CBY1: variants seen among roughly 807,000 people sequenced by gnomAD.
CBY1 encodes chibby 1, beta catenin antagonist, also known as protein chibby homolog 1.
In CBY1, 10 loss-of-function variants were observed where a neutral mutation model predicts 15.6. That is an observed-to-expected ratio of 0.64 (90% CI 0.40 to 1.09). The LOEUF (loss-of-function observed/expected upper bound fraction) is 1.09. Among genes scored for constraint, CBY1 ranks in the 50% least tolerant of loss-of-function variants. The pLI, the probability that CBY1 is intolerant of heterozygous loss-of-function variation, is 0.01. For synonymous variants in CBY1, 61 were observed against 63.5 expected (o/e 0.96, Z 0.19); for missense variants, 150 against 160.5 (o/e 0.93, Z 0.35).
intron 1 of CBY1, among the ~76,000 whole-genome samples, chr22:38,664,308 T>C (rs887404288): frequency 2.0e-5 from 3 of 151,064 alleles, no homozygotes; most frequent in Admixed American, 6.6e-5. Flanking sequence ...CCTGTCTCTA[T>C]TAAAAATACA....
intron 4 of CBY1, 101 bp downstream of exon 4, chr22:38,671,289 C>T: frequency 1.1e-6 from 1 of 892,364 alleles, no homozygotes. Flanking sequence ...GCCAGTTTGG[C>T]CAGGTACGTT....
intron 1 of CBY1, among the ~76,000 whole-genome samples, chr22:38,661,259 C>T (rs892261882): frequency 1.2e-4 from 18 of 152,194 alleles, no homozygotes; most frequent in African/African-American, 2.7e-4. Flanking sequence ...CCGCAACCTC[C>T]GCCTCCCAGG....
In CBY1 at chr22:38,661,048, C is replaced by A. The variant is rs145701104; in HGVS notation, c.-39+4298C>A. 3.3e-5 allele frequency among the ~76,000 whole-genome samples: 5 copies of A among 152,256 alleles called. No individual in the cohort carries two copies. The East Asian group carries it at 7.7e-4, about 23-fold the overall frequency. ...CCCCCCTCTGCATCTTGGTCCCCACCCCGTCCCCTCCACTACCAAGCTGGA... is the reference window on the plus strand; with the variant it reads ...CCCCCCTCTGCATCTTGGTCCCCACACCGTCCCCTCCACTACCAAGCTGGA... On this transcript the variant is annotated intron_variant, in intron 1 of 4. Transcript: ENST00000216029.
At chr22:38,663,717 GA>G (rs899268590) in intron 1 of CBY1, among the ~76,000 whole-genome samples, 2 of 140,842 alleles carry the variant, frequency 1.4e-5, no homozygotes, top group South Asian at 2.2e-4. Flanking sequence ...AAAAAAAAAG[GA>G]AAAAAAAAGA....
intron 2 of CBY1, chr22:38,668,473 C>T (rs549919737): frequency 3.4e-5 from 6 of 178,514 alleles, no homozygotes; most frequent in African/African-American, 7.1e-5. Flanking sequence ...CGGGTTCAAG[C>T]GATTCTCCTT....
At chr22:38,669,501 T>C (rs2092446403) in intron 2 of CBY1, among the ~76,000 whole-genome samples, 1 of 152,178 alleles carries the variant, frequency 6.6e-6, no homozygotes, top group Non-Finnish European at 1.5e-5. Flanking sequence ...CCTGCTTTCA[T>C]GGGGCAGATA....
In CBY1 at chr22:38,668,166, A is replaced by G. The variant is rs372111880; in HGVS notation, c.78+34A>G. On this transcript the variant is annotated intron_variant, in intron 2 of 4. Coordinates refer to ENST00000216029, the MANE Select transcript of CBY1 (RefSeq NM_015373.4). Reference sequence around the variant, plus strand: ...CGGTACTGGGGTCGGCCGGGTGTGCAGCATGAGTTGAGTGCTGAGCGTGTC... The same window carrying G: ...CGGTACTGGGGTCGGCCGGGTGTGCGGCATGAGTTGAGTGCTGAGCGTGTC... 3.5e-4 allele frequency: 456 copies of G among 1,290,406 alleles called. 2 individuals carry two copies. The highest frequency in any genetic ancestry group is 4.9e-4 in the Admixed American group (29 of 59,536). The allele number at this position is 1,290,406 out of a possible 1,614,324, so 79.9% of individuals were successfully genotyped here.
At chr22:38,662,752 T>G (rs8142098) in intron 1 of CBY1, among the ~76,000 whole-genome samples, 44,875 of 151,842 alleles carry the variant, frequency 0.3, 6,719 homozygotes, top group East Asian at 0.36. Context: ...TGCCTCTGCC[T>G]CCCAAAGTGC....
Position 38,673,182 on chromosome 22 carries a change from C to G in CBY1, c.327C>G (p.Ser109=). 1 of 1,612,398 alleles carries G rather than the reference C, an allele frequency of 6.2e-7. No homozygotes were observed. The highest frequency in any genetic ancestry group is 8.5e-7 in the Non-Finnish European group (1 of 1,178,554). ...LDMLSESTAE[S]HLMEKELDEL... ...AGCTTTCAGAGTCCACTGCTGAATC[C>G]CACTTAATGGAGAAGGAACTGGATG... The change falls in exon 5 of 5, where the codon TCC becomes TCG. Residue 109 remains serine, a synonymous_variant. Coordinates refer to ENST00000216029, the MANE Select transcript of CBY1 (RefSeq NM_015373.4).
At chr22:38,666,000 TA>T (rs2092434783) in intron 1 of CBY1, among the ~76,000 whole-genome samples, 1 of 151,450 alleles carries the variant, frequency 6.6e-6, no homozygotes, top group African/African-American at 2.4e-5. Flanking sequence ...ATTTAAAAAA[TA>T]CTTGATTTTA....
At chr22:38,672,357 G>A (rs866523794) in intron 4 of CBY1, among the ~76,000 whole-genome samples, 13 of 151,436 alleles carry the variant, frequency 8.6e-5, no homozygotes, top group African/African-American at 3.2e-4. Flanking sequence ...GTCTCGCTCT[G>A]TAGCCTGGGC....
chr22:38,667,004 TTC>T (rs967124192), intron 1 of CBY1, among the ~76,000 whole-genome samples: 6 of 126,264 alleles, frequency 4.8e-5, no homozygotes, highest in Non-Finnish European at 8.3e-5. Context: ...GCCCAGCCAT[TTC>T]TTTCTTTATT....
intron 1 of CBY1, among the ~76,000 whole-genome samples, chr22:38,667,079 T>C (rs898346488): frequency 3.3e-5 from 5 of 151,924 alleles, no homozygotes; most frequent in African/African-American, 1.2e-4. Context: ...GGCATGATCA[T>C]AGCTCACTGG....
chr22:38,666,542 C>T (rs569461424), intron 1 of CBY1: 26 of 152,186 alleles, frequency 1.7e-4, no homozygotes, highest in African/African-American at 5.8e-4. Flanking sequence ...ATGTCGTGGA[C>T]CTGCCCCCTT....
At chr22:38,667,889 G>A in intron 1 of CBY1, 128 bp from the exon 2 acceptor site, 3 of 606,680 alleles carry the variant, frequency 4.9e-6, no homozygotes, top group East Asian at 2.8e-5. Context: ...GTTTTGGTGG[G>A]GACATTCAAA....
In CBY1 at chr22:38,665,207, A is replaced by C. The variant is rs1247330039; in HGVS notation, c.-38-2810A>C. On this transcript the variant is annotated intron_variant, in intron 1 of 4. Transcript: ENST00000216029. ...GCCGGGTGTGGTGGTTCATACCTGTAATTCCAGCATTTTGGGAGGCTGAGG... is the reference window on the plus strand; with the variant it reads ...GCCGGGTGTGGTGGTTCATACCTGTCATTCCAGCATTTTGGGAGGCTGAGG... 2.0e-5 allele frequency among the ~76,000 whole-genome samples: 3 copies of C among 152,170 alleles called. No homozygotes were observed. In the East Asian group the frequency reaches 5.8e-4, roughly 29 times the overall value.
Position 38,673,740 on chromosome 22 carries a change from C to T in CBY1, c.*504C>T, listed in dbSNP as rs919786885. On this transcript the variant is annotated 3_prime_UTR_variant, in exon 5 of 5. Coordinates refer to ENST00000216029, the MANE Select transcript of CBY1 (RefSeq NM_015373.4). ...AATCCTCCTTCCTCACACCTGGCCT[C>T]CTCTGGCTTCAGCTTCTCAGCAGCA... The T allele has an allele frequency of 6.5e-6, 1 of 153,738 alleles. No homozygotes were observed. The highest frequency in any genetic ancestry group is 3.4e-3 in the Middle Eastern group (1 of 296). The allele number at this position is 153,738 out of a possible 1,614,324, so 9.5% of individuals were successfully genotyped here.
chr22:38,659,591 G>A (rs540547034), intron 1 of CBY1, among the ~76,000 whole-genome samples: 43 of 152,058 alleles, frequency 2.8e-4, no homozygotes, highest in African/African-American at 8.7e-4. Flanking sequence ...GGCCGGGCAC[G>A]GTGGCTCACA....
chr22:38,661,455 C>T (rs944262244), intron 1 of CBY1, among the ~76,000 whole-genome samples: 4 of 152,308 alleles, frequency 2.6e-5, no homozygotes, highest in East Asian at 1.9e-4. Context: ...GGATTACAGG[C>T]GTGAGCCACT....
Sources: allele counts gnomAD v4.1 joint callset (sites outside exome capture counted in the v4.1 genomes callset), GRCh38; gene constraint gnomAD v4.1.1; transcripts MANE v1.5; gene names NCBI Gene and HGNC (gene_info 2026-07-23, HGNC 2026-07-21).